The following TARS2 variants were observed in gnomAD, a reference collection of about 807,000 sequenced individuals.
TARS2 encodes the protein threonine--tRNA ligase, mitochondrial.
A neutral mutation model predicts 94.4 loss-of-function variants in TARS2; 61 were observed. The observed-to-expected ratio is 0.65, with a 90% confidence interval of 0.53 to 0.80. The LOEUF (loss-of-function observed/expected upper bound fraction) is 0.80, where lower values mean the gene tolerates loss of function less well. Ranked by LOEUF, TARS2 falls within the 30% of genes least tolerant of loss-of-function variation. The pLI is 0.00. For missense variants in TARS2, 704 were observed against 902.5 expected (o/e 0.78, Z 2.82); for synonymous variants, 359 against 353.4 (o/e 1.02, Z -0.18).
At chr1:150,496,420 C>G in intron 7 of TARS2, 62 bp from the exon 8 acceptor site, 1 of 1,530,388 alleles carries the variant, frequency 6.5e-7, no homozygotes, top group Admixed American at 2.0e-5. Flanking sequence ...TCATTTGAGT[C>G]TTGAAAAAGG....
At position 150,507,265 on chromosome 1, in the gene TARS2, A is replaced by C. The variant is rs1292148579; in HGVS notation, c.*201A>C. ...TAGCTGTTTGGATGTGAGGAGAATG[A>C]AACTACAAAAAAAAATAAATTGGGC... On this transcript the variant is annotated 3_prime_UTR_variant, in exon 18 of 18. Transcript: ENST00000369064. The C allele has an allele frequency of 1.2e-5, 8 of 645,682 alleles. No homozygotes were observed. Among genetic ancestry groups the C allele is most frequent in the South Asian group, 1.2e-4 (5 of 42,410 alleles). The allele number at this position is 645,682 out of a possible 1,614,324, so 40.0% of individuals were successfully genotyped here. A position where few individuals can be genotyped will look rare whatever the true frequency, so the allele number is the denominator to read the frequency against.
rs587741396 is a variant in TARS2 at position 150,507,554 on chromosome 1, G to A, written c.*490G>A. 3 of 154,726 alleles carry A rather than the reference G, an allele frequency of 1.9e-5. No homozygotes were observed. The highest frequency in any genetic ancestry group is 2.0e-4 in the South Asian group (1 of 5,072). 9.6% of individuals were successfully genotyped at this position (154,726 alleles called of 1,614,324 possible). On this transcript the variant is annotated 3_prime_UTR_variant, in exon 18 of 18. Coordinates refer to ENST00000369064, the MANE Select transcript of TARS2 (RefSeq NM_025150.5). ...ACTGCACCCCCCTAGGCGACAGAGC[G>A]AGACTCTGTCTCTAAATAAATAAAT...
chr1:150,503,146 C>T (rs1202684949), intron 13 of TARS2, among the ~76,000 whole-genome samples: 1 of 152,222 alleles, frequency 6.6e-6, no homozygotes, highest in Non-Finnish European at 1.5e-5. Flanking sequence ...GAAATACTGA[C>T]TTCCATGGTG....
chr1:150,503,407 G>A (rs1670008647), intron 13 of TARS2, among the ~76,000 whole-genome samples: 1 of 152,006 alleles, frequency 6.6e-6, no homozygotes, highest in Non-Finnish European at 1.5e-5. Flanking sequence ...AATTGTCATG[G>A]CCGGGTGTGG....
chr1:150,489,873 C>T (rs1464439331), intron 3 of TARS2, among the ~76,000 whole-genome samples: 17 of 151,996 alleles, frequency 1.1e-4, no homozygotes, highest in Admixed American at 1.1e-3. Flanking sequence ...ACCCTGGAGG[C>T]GGAGGTTGCA....
intron 2 of TARS2, 56 bp downstream of exon 2, chr1:150,488,110 T>C: frequency 7.0e-6 from 11 of 1,573,442 alleles, no homozygotes; most frequent in Non-Finnish European, 9.5e-6. Flanking sequence ...TTACTTTCTC[T>C]TCACTTGAGC....
intron 13 of TARS2, among the ~76,000 whole-genome samples, chr1:150,503,057 C>T (rs1421996278): frequency 2.0e-5 from 3 of 152,140 alleles, no homozygotes; most frequent in Admixed American, 6.5e-5. Context: ...ACTGGAACAT[C>T]CCTGAGGAGA....
intron 13 of TARS2, among the ~76,000 whole-genome samples, chr1:150,502,275 T>TCC (rs1669958842): frequency 6.7e-6 from 1 of 149,472 alleles, no homozygotes; most frequent in African/African-American, 2.5e-5. Flanking sequence ...CAGACTGAAG[T>TCC]GCACTGGCGG....
chr1:150,487,746 A>G, intron 1 of TARS2, 112 bp from the exon 2 acceptor site: 2 of 1,444,472 alleles, frequency 1.4e-6, no homozygotes, highest in Non-Finnish European at 1.9e-6. Context: ...AATCCCCTTA[A>G]AAAGTAGGAA....
chr1:150,498,776 C>T, intron 11 of TARS2, 112 bp downstream of exon 11: 1 of 1,606,032 alleles, frequency 6.2e-7, no homozygotes, highest in African/African-American at 1.3e-5. Context: ...AATTCAGCTA[C>T]ATTCTACCCC....
intron 13 of TARS2, among the ~76,000 whole-genome samples, chr1:150,502,068 A>G (rs1311078138): frequency 6.7e-6 from 1 of 148,968 alleles, no homozygotes; most frequent in Non-Finnish European, 1.5e-5. Context: ...ATGTACCACC[A>G]CGCCCGGCTA....
intron 3 of TARS2, 86 bp downstream of exon 3, chr1:150,489,173 G>T (rs763145843): frequency 1.9e-6 from 3 of 1,595,954 alleles, no homozygotes; most frequent in East Asian, 2.3e-5. Context: ...TTCTTTTGCC[G>T]CAGTTTCTCC....
chr1:150,495,261 C>T (rs947344330), intron 7 of TARS2, among the ~76,000 whole-genome samples: 3 of 149,160 alleles, frequency 2.0e-5, no homozygotes, highest in Admixed American at 6.7e-5. Context: ...AGGAGAATGG[C>T]GTGAACCTGG....
chr1:150,501,930 T>G (rs187288201), intron 13 of TARS2, among the ~76,000 whole-genome samples: 18 of 152,274 alleles, frequency 1.2e-4, no homozygotes. Flanking sequence ...TATATTTTTT[T>G]GAGATCAAAT....
chr1:150,495,039 C>T (rs368351142), intron 7 of TARS2, among the ~76,000 whole-genome samples: 23 of 151,986 alleles, frequency 1.5e-4, no homozygotes, highest in African/African-American at 5.5e-4. Context: ...ATTAGCTGGG[C>T]GAGGTGGCGG....
Position 150,490,760 on chromosome 1 carries a change from G to A in TARS2, c.512+35G>A, listed in dbSNP as rs894231792. On this transcript the variant is annotated intron_variant, in intron 4 of 17. Coordinates refer to ENST00000369064, the MANE Select transcript of TARS2 (RefSeq NM_025150.5). ...GAAAGGAAGGAGGAGAATGATTCTG[G>A]GATGGTTTCTGAGGCTCTTTTCAGG... 5 of 1,611,990 alleles carry A rather than the reference G, an allele frequency of 3.1e-6. No individual in the cohort carries two copies. The East Asian group carries it at 6.7e-5, about 22-fold the overall frequency.
Position 150,496,780 on chromosome 1 carries a change from G to T in TARS2, c.922-30G>T, listed in dbSNP as rs953127. Reference sequence around the variant, plus strand: ...CCAAAGCCACCTCCTTGCCCTTGAGGTGACCCAATATTGCTATTCCTGACC... The same window carrying T: ...CCAAAGCCACCTCCTTGCCCTTGAGTTGACCCAATATTGCTATTCCTGACC... On this transcript the variant is annotated intron_variant, in intron 8 of 17. Transcript: ENST00000369064. 24,728 of 1,612,670 alleles carry T rather than the reference G, an allele frequency of 0.015. 1,747 individuals are homozygous for T. The highest frequency in any genetic ancestry group is 0.14 in the Admixed American group (8,633 of 59,976).
intron 1 of TARS2, 58 bp from the exon 2 acceptor site, chr1:150,487,800 C>G (rs1669214740): frequency 1.3e-6 from 2 of 1,571,210 alleles, no homozygotes; most frequent in East Asian, 4.5e-5. Flanking sequence ...CCATCATCTG[C>G]AATTCTAAGA....
intron 17 of TARS2, among the ~76,000 whole-genome samples, chr1:150,506,486 GCA>G (rs10581752): frequency 0.4 from 48,905 of 123,504 alleles, 10,823 homozygotes; most frequent in East Asian, 0.71. Flanking sequence ...ACACGCGCGC[GCA>G]CACACACACA....
Sources: allele counts gnomAD v4.1 joint callset (sites outside exome capture counted in the v4.1 genomes callset), GRCh38; gene constraint gnomAD v4.1.1; transcripts MANE v1.5; gene names NCBI Gene and HGNC (gene_info 2026-07-23, HGNC 2026-07-21).